The following RBBP8 variants were observed in gnomAD, a reference collection of about 807,000 sequenced individuals.
The protein encoded by RBBP8 is RB binding protein 8, endonuclease.
In RBBP8, 88 loss-of-function variants were observed where a neutral mutation model predicts 108.3. The observed-to-expected ratio is 0.81, with a 90% CI of 0.68 to 0.97. The LOEUF (loss-of-function observed/expected upper bound fraction) is 0.97, where lower values mean the gene tolerates loss of function less well. Among genes scored for constraint, RBBP8 ranks in the 50% least tolerant of loss-of-function variants. The probability of loss-of-function intolerance (pLI) is 0.00; values close to 1 mark genes in which losing one functional copy is unlikely to be tolerated. For missense variants in RBBP8, 1,023 were observed against 1,049.0 expected (o/e 0.98, Z 0.34); for synonymous variants, 332 against 348.2 (o/e 0.95, Z 0.52).
At chr18:23,001,255 T>A (rs2045942272) in intron 14 of RBBP8, among the ~76,000 whole-genome samples, 2 of 152,220 alleles carry the variant, frequency 1.3e-5, no homozygotes, top group South Asian at 4.1e-4. Context: ...ATCTATTCAC[T>A]GAAAGAATAC....
intron 4 of RBBP8, among the ~76,000 whole-genome samples, chr18:22,962,685 A>C (rs1913204749): frequency 6.9e-6 from 1 of 144,124 alleles, no homozygotes. Flanking sequence ...ACACACATAC[A>C]CACCCCCTCC....
At chr18:23,011,709 G>C (rs1200633240) in intron 16 of RBBP8, among the ~76,000 whole-genome samples, 1 of 152,154 alleles carries the variant, frequency 6.6e-6, no homozygotes, top group East Asian at 1.9e-4. Context: ...AAAGTGCTGG[G>C]ATCACAGGCG....
rs2144592740 is a variant in RBBP8 at position 22,968,911 on chromosome 18, A to G, written c.354A>G (p.Thr118=). The G allele has an allele frequency of 1.9e-6, 3 of 1,605,324 alleles. No individual in the cohort carries two copies. Among genetic ancestry groups the G allele is most frequent in the South Asian group, 1.1e-5 (1 of 90,816 alleles). The part of the protein sequence containing the change: ...NIRQQNLKLI[T]ELMNERNTLQ... ...GGCAGCAGAATCTTAAACTTATTAC[A>G]GAACTTAGTGAGTTTCCTTTCTTCA... The change falls in exon 5 of 19, where the codon ACA becomes ACG. Residue 118 remains threonine (T), a synonymous_variant. Transcript: ENST00000327155.
intron 6 of RBBP8, among the ~76,000 whole-genome samples, chr18:22,980,487 C>T (rs577850363): frequency 6.6e-6 from 1 of 151,918 alleles, no homozygotes; most frequent in Non-Finnish European, 1.5e-5. Flanking sequence ...GTGCAAAGAA[C>T]CTAAGGTGGG....
At chr18:22,954,784 G>A (rs796470035) in intron 4 of RBBP8, among the ~76,000 whole-genome samples, 13 of 152,268 alleles carry the variant, frequency 8.5e-5, no homozygotes, top group African/African-American at 3.1e-4. Flanking sequence ...ATGGCGAAGG[G>A]GGAGTAAACA....
chr18:22,936,434 A>G (rs1254951213), intron 1 of RBBP8, among the ~76,000 whole-genome samples: 1 of 152,140 alleles, frequency 6.6e-6, no homozygotes, highest in Non-Finnish European at 1.5e-5. Context: ...TGGTAAATTA[A>G]TACTGACCAT....
At chr18:22,995,397 C>G (rs920636473) in intron 12 of RBBP8, among the ~76,000 whole-genome samples, 21 of 151,986 alleles carry the variant, frequency 1.4e-4, no homozygotes, top group Non-Finnish European at 1.8e-4. Context: ...ATATTGAAAA[C>G]CCCATCAATG....
At chr18:22,957,291 C>CTTTTTTTTTTTTTTTT (rs11418623) in intron 4 of RBBP8, among the ~76,000 whole-genome samples, 117 of 92,792 alleles carry the variant, frequency 1.3e-3, no homozygotes, top group Admixed American at 1.6e-3. Context: ...ATTACTTTTT[C>CTTTTTTTTTTTTTTTT]TTTTTTTTTT....
At position 23,026,196 on chromosome 18, in the gene RBBP8, T is replaced by TA. The variant is rs758811583; in HGVS notation, c.2651dup (p.Tyr884Ter). ...PCPRPKRRQPYNAIFSPKGKE... is the reference protein window; with the variant it reads ...PCPRPKRRQP ...TCCTCGTCCAAAAAGACGTCAGCCT[T>TA]ACAACGCAATATTTTCTCCAAAAGG... Residue 884 changes from tyrosine to a stop codon, truncating the protein, a stop_gained and frameshift_variant, in exon 19 of 19, where the codon TAC (tyrosine) becomes TAAC (stop). Transcript: ENST00000327155. LOFTEE classifies it high-confidence loss of function. 4.3e-6 allele frequency: 7 copies of TA among 1,613,888 alleles called. No homozygotes were observed. Among genetic ancestry groups the TA allele is most frequent in the Non-Finnish European group, 5.9e-6 (7 of 1,179,840 alleles).
chr18:22,988,162 T>C (rs1184345457), intron 8 of RBBP8, among the ~76,000 whole-genome samples: 1 of 152,242 alleles, frequency 6.6e-6, no homozygotes, highest in Non-Finnish European at 1.5e-5. Context: ...CAACATGTTC[T>C]AGTAATCTAA....
chr18:22,918,018 A>G (rs1909435765), intron 3 of RBBP8, among the ~76,000 whole-genome samples: 1 of 150,458 alleles, frequency 6.6e-6, no homozygotes, highest in Admixed American at 6.7e-5. Context: ...AAAAAAACAT[A>G]TAATGTTGGA....
At chr18:22,992,673 T>C in intron 10 of RBBP8, 75 bp from the exon 11 acceptor site, 5 of 1,338,550 alleles carry the variant, frequency 3.7e-6, no homozygotes, top group Non-Finnish European at 5.2e-6. Context: ...TTTTGGTTAA[T>C]CATTTGCTTC....
chr18:22,984,656 T>A (rs1017402980), intron 7 of RBBP8, among the ~76,000 whole-genome samples: 3 of 152,226 alleles, frequency 2.0e-5, no homozygotes, highest in Non-Finnish European at 4.4e-5. Flanking sequence ...AAGCTGTCTG[T>A]TCTAGTCCCC....
chr18:23,022,651 T>TATAAA (rs1555650123), intron 18 of RBBP8, among the ~76,000 whole-genome samples: 6 of 84,378 alleles, frequency 7.1e-5, no homozygotes, highest in East Asian at 5.6e-4. Flanking sequence ...TAAAATACAA[T>TATAAA]ATAAAATAAA....
intron 2 of RBBP8, among the ~76,000 whole-genome samples, chr18:22,916,524 T>G (rs2144324346): frequency 6.6e-6 from 1 of 152,236 alleles, no homozygotes; most frequent in Middle Eastern, 3.4e-3. Flanking sequence ...GAATACTACA[T>G]GAAATCTAAT....
At chr18:22,980,799 C>T (rs188975040) in intron 6 of RBBP8, among the ~76,000 whole-genome samples, 7 of 149,060 alleles carry the variant, frequency 4.7e-5, no homozygotes, top group African/African-American at 1.5e-4. Flanking sequence ...ACTGCAGCCT[C>T]GACTTCCTGG....
rs375698719 is a variant in RBBP8, at chr18:23,001,595, G to C, written c.2153G>C (p.Arg718Thr). 9 of 1,614,066 alleles carry C rather than the reference G, an allele frequency of 5.6e-6. No homozygotes were observed. Among genetic ancestry groups the C allele is most frequent in the Non-Finnish European group, 7.6e-6 (9 of 1,179,996 alleles). Residue 718 changes from arginine (R) to threonine (T), a missense_variant, in exon 15 of 19, where the codon AGA becomes ACA. Physicochemically the swap from Arg to Thr is moderately conservative, Grantham distance 71. Transcript: ENST00000327155. ...QKGEKSSNEE[R>T]KMNDSLEDMF... Reference sequence around the variant, plus strand: ...GTGCTCTTTTACATAGATGAAGAAAGAAAAATGAATGATAGCTTGGAAGAT... The same window carrying C: ...GTGCTCTTTTACATAGATGAAGAAACAAAAATGAATGATAGCTTGGAAGAT...
Position 23,026,166 on chromosome 18 carries a change from C to G in RBBP8, c.2620C>G (p.Pro874Ala), listed in dbSNP as rs376801395. Residue 874 changes from proline (P) to alanine (A), a missense_variant, in exon 19 of 19, where the codon CCT (proline) becomes GCT (alanine). Pro to Ala is a conservative substitution (Grantham distance 27, BLOSUM62 -1). Coordinates refer to ENST00000327155, the MANE Select transcript of RBBP8 (RefSeq NM_002894.3). Reference sequence around the variant, plus strand: ...AGGTTATATTAAGGAAGATCTTGATCCTTGTCCTCGTCCAAAAAGACGTCA... The same window carrying G: ...AGGTTATATTAAGGAAGATCTTGATGCTTGTCCTCGTCCAAAAAGACGTCA... ...ERGYIKEDLD[P>A]CPRPKRRQPY... 60 of 1,613,578 alleles carry G rather than the reference C, an allele frequency of 3.7e-5. No homozygotes were observed. The highest frequency in any genetic ancestry group is 3.3e-4 in the Middle Eastern group (2 of 6,058).
chr18:22,951,714 A>G (rs11082221), intron 4 of RBBP8, among the ~76,000 whole-genome samples: 8,889 of 152,294 alleles, frequency 0.058, 389 homozygotes, highest in African/African-American at 0.13. Context: ...TTGTTTACCC[A>G]TGCTTTGGAC....
Sources: allele counts gnomAD v4.1 joint callset (sites outside exome capture counted in the v4.1 genomes callset), GRCh38; gene constraint gnomAD v4.1.1; transcripts MANE v1.5; gene names NCBI Gene and HGNC (gene_info 2026-07-23, HGNC 2026-07-21).